TRPV4: variants seen among roughly 807,000 people sequenced by gnomAD.
The protein encoded by TRPV4 is OSM9-like transient receptor potential channel 4.
Under a neutral mutation model 84.1 loss-of-function variants are expected in TRPV4, and 58 were observed. That is an observed-to-expected ratio of 0.69 (90% CI 0.56 to 0.86). The LOEUF (loss-of-function observed/expected upper bound fraction) is 0.86, where lower values mean the gene tolerates loss of function less well. TRPV4 is among the 40% of genes least tolerant of loss of function. TRPV4 has a pLI of 0.00. For synonymous variants in TRPV4, 489 were observed against 500.9 expected, an observed-to-expected ratio of 0.98 and a Z score of 0.32; for missense variants, 879 against 1,181.1, an observed-to-expected ratio of 0.74 and a Z score of 3.75.
In TRPV4 at chr12:109,810,458, G is replaced by C. The variant is rs367869562; in HGVS notation, c.387-1990C>G. ...CAGGTTGTGGAAGCAGGTGGGACGG[G>C]GTTGCAAGGGTGGACAAAGCTGGCA... On this transcript the variant is annotated intron_variant, in intron 2 of 15. Transcript: ENST00000261740. 2.4e-4 allele frequency among the ~76,000 whole-genome samples: 36 copies of C among 152,274 alleles called. No homozygotes were observed. The East Asian group carries it at 5.8e-3, about 25-fold the overall frequency.
chr12:109,800,917 A>T lies in TRPV4; in HGVS notation c.713-159T>A, dbSNP rs554395210. ...CCAAGGGCAGCAAATAGGTCCTTGG[A>T]TATTCCCTGGGATCCATCGCAGAAG... is the stretch of plus-strand genomic sequence containing the variant. On this transcript the variant is annotated intron_variant, in intron 4 of 15. Coordinates refer to ENST00000261740, the MANE Select transcript of TRPV4 (RefSeq NM_021625.5). Among the ~76,000 whole-genome samples the T allele has an allele frequency of 8.5e-5, 13 of 152,370 alleles. No homozygotes were observed. In the East Asian group the frequency reaches 2.5e-3, roughly 29 times the overall value.
intron 1 of TRPV4, among the ~76,000 whole-genome samples, chr12:109,830,888 G>A (rs2136730398): frequency 6.6e-6 from 1 of 152,310 alleles, no homozygotes. Context: ...AGGCACATGA[G>A]GCTCAGTCTT....
chr12:109,806,192 T>C (rs951403196), intron 3 of TRPV4, among the ~76,000 whole-genome samples: 2 of 151,928 alleles, frequency 1.3e-5, no homozygotes, highest in African/African-American at 2.4e-5. Context: ...AATCCAGCAA[T>C]TGTATTTTCT....
intron 1 of TRPV4, among the ~76,000 whole-genome samples, chr12:109,820,516 ATTTT>A (rs1166251387): frequency 2.2e-5 from 2 of 92,386 alleles, no homozygotes; most frequent in African/African-American, 5.0e-5. Flanking sequence ...CAGCTGCCCT[ATTTT>A]TTTTTTTTTT....
intron 1 of TRPV4, among the ~76,000 whole-genome samples, chr12:109,823,109 A>T (rs1026533248): frequency 3.9e-5 from 6 of 152,312 alleles, no homozygotes; most frequent in Admixed American, 2.6e-4. Context: ...ACTGCCTGCC[A>T]GGCTACCCCA....
rs764970185 is a variant in TRPV4 at position 109,814,739 on chromosome 12, C to T, written c.58G>A (p.Gly20Arg). 2.8e-5 allele frequency: 45 copies of T among 1,588,496 alleles called. No individual in the cohort carries two copies. Among genetic ancestry groups the T allele is most frequent in the East Asian group, 4.6e-5 (2 of 43,472 alleles). ...CCACCTGGGGTGCCACTCTCATCCC[C>T]GGGGAGCTCAGCCACCTCCCCGGGC... Reference protein sequence around the residue: ...AGPGEVAELPGDESGTPGGEA... With the variant: ...AGPGEVAELPRDESGTPGGEA... The change falls in exon 2 of 16, where the codon GGG (glycine) becomes AGG (arginine). Residue 20 changes from glycine to arginine, a missense_variant. Physicochemically the swap from Gly to Arg is moderately radical, Grantham distance 125 (BLOSUM62 -2). This residue lies in a region of TRPV4 where 107 missense variants were observed against 99.4 expected (regional missense o/e 1.08). Transcript: ENST00000261740. The surrounding 1 kb of genome is among the most constrained non-coding windows in gnomAD (Gnocchi z 5.4).
In TRPV4 at chr12:109,786,337, C is replaced by T. The variant is rs1400573332; in HGVS notation, c.2336+373G>A. ...AGCTCACCCCACTGTTTGGTAGATACAGGGTGATGCTCTAAAATGAACCCA... is the reference window on the plus strand; with the variant it reads ...AGCTCACCCCACTGTTTGGTAGATATAGGGTGATGCTCTAAAATGAACCCA... On this transcript the variant is annotated intron_variant, in intron 14 of 15. Coordinates refer to ENST00000261740, the MANE Select transcript of TRPV4 (RefSeq NM_021625.5). This position sits in a 1 kb window ranked among gnomAD's most constrained non-coding sequence, Gnocchi z 4.5. Among the ~76,000 whole-genome samples, 1 of 152,176 alleles carries T rather than the reference C, an allele frequency of 6.6e-6. No individual in the cohort carries two copies. Among genetic ancestry groups the T allele is most frequent in the Non-Finnish European group, 1.5e-5 (1 of 68,024 alleles).
At chr12:109,831,720 T>C (rs900470868) in intron 1 of TRPV4, among the ~76,000 whole-genome samples, 1 of 152,244 alleles carries the variant, frequency 6.6e-6, no homozygotes, top group Non-Finnish European at 1.5e-5. Context: ...CCGGAGCTCA[T>C]GTGAAACATC....
In TRPV4 at chr12:109,803,173, G is replaced by A. The variant is rs183056596; in HGVS notation, c.560-30C>T. On this transcript the variant is annotated intron_variant, in intron 3 of 15. Transcript: ENST00000261740. ...CAAGAGAGACACACAAGATGACGCA[G>A]TGCTCCAGCCCATGACCTTGAACTT... The A allele has an allele frequency of 6.9e-5, 112 of 1,612,564 alleles. No homozygotes were observed. In the East Asian group the frequency reaches 2.5e-3, roughly 36 times the overall value.
chr12:109,823,288 GC>G (rs1384024689), intron 1 of TRPV4, among the ~76,000 whole-genome samples: 1 of 152,208 alleles, frequency 6.6e-6, no homozygotes, highest in Non-Finnish European at 1.5e-5. Flanking sequence ...GTCCTGCTGG[GC>G]CCCCACCCCA....
At position 109,808,452 on chromosome 12, in the gene TRPV4, G is replaced by C. The variant is rs754155333; in HGVS notation, c.403C>G (p.Pro135Ala). The change falls in exon 3 of 16, where the codon CCC becomes GCC. Residue 135 changes from proline (P) to alanine (A), a missense_variant. Pro to Ala is a conservative substitution (Grantham distance 27). Coordinates refer to ENST00000261740, the MANE Select transcript of TRPV4 (RefSeq NM_021625.5). ...KKIIEKQPQS[P>A]KAPAPQPPPI... is the part of the protein sequence containing the mutation. ...GGCGGCTGAGGGGCAGGGGCTTTGG[G>C]GCTCTGCGGCTGCTTCCTGGAGGAG... is the stretch of plus-strand genomic sequence containing the variant. 2 of 1,613,080 alleles carry C rather than the reference G, an allele frequency of 1.2e-6. No individual in the cohort carries two copies. The highest frequency in any genetic ancestry group is 1.7e-6 in the Non-Finnish European group (2 of 1,179,206).
chr12:109,826,996 AGCAGCTGCTCAAGAT>A (rs137924448), intron 1 of TRPV4, among the ~76,000 whole-genome samples: 3,742 of 152,242 alleles, frequency 0.025, 179 homozygotes, highest in African/African-American at 0.086. Flanking sequence ...CCTGGCACAT[AGCAGCTGCTCAAGAT>A]GTATTTGCTG....
chr12:109,813,298 G>A (rs918840076), intron 2 of TRPV4, among the ~76,000 whole-genome samples: 3 of 151,992 alleles, frequency 2.0e-5, no homozygotes, highest in African/African-American at 2.4e-5. Flanking sequence ...CTGTAATCCC[G>A]CTACTCGGGA....
At position 109,793,484 on chromosome 12, in the gene TRPV4, C is replaced by G; in HGVS notation, c.1658+43G>C. ...TGGACGACCTAGCAGCCCAAACCCA[C>G]CTTCCTCACCCAGAAGCTGCCGGCC... On this transcript the variant is annotated intron_variant, in intron 10 of 15. Transcript: ENST00000261740. The surrounding 1 kb of genome is among the most constrained non-coding windows in gnomAD (Gnocchi z 4.0). The G allele has an allele frequency of 6.4e-7, 1 of 1,564,842 alleles. No homozygotes were observed. Among genetic ancestry groups the G allele is most frequent in the Non-Finnish European group, 8.8e-7 (1 of 1,135,632 alleles).
intron 1 of TRPV4, among the ~76,000 whole-genome samples, chr12:109,829,002 T>C (rs1172214645): frequency 6.6e-6 from 1 of 152,114 alleles, no homozygotes; most frequent in East Asian, 1.9e-4. Context: ...CTGGGCAACA[T>C]AGTGAGACCC....
At chr12:109,820,449 C>T (rs1176623427) in intron 1 of TRPV4, among the ~76,000 whole-genome samples, 1 of 151,050 alleles carries the variant, frequency 6.6e-6, no homozygotes, top group East Asian at 2.0e-4. Context: ...AGACCCACAG[C>T]TCACTTGCTG....
At chr12:109,822,687 G>A (rs1892140228) in intron 1 of TRPV4, among the ~76,000 whole-genome samples, 1 of 152,150 alleles carries the variant, frequency 6.6e-6, no homozygotes, top group East Asian at 1.9e-4. Context: ...GGGATGGGTC[G>A]CAGTCCCTGA....
intron 1 of TRPV4, among the ~76,000 whole-genome samples, chr12:109,819,855 C>T (rs1160084203): frequency 6.6e-6 from 1 of 152,220 alleles, no homozygotes; most frequent in Admixed American, 6.5e-5. Flanking sequence ...AGCCACTGCG[C>T]CCAGCCAAAG....
chr12:109,821,155 C>T (rs1315085950), intron 1 of TRPV4, among the ~76,000 whole-genome samples: 3 of 152,252 alleles, frequency 2.0e-5, no homozygotes, highest in African/African-American at 7.2e-5. Flanking sequence ...GGCATGCAAA[C>T]CTGCTCCGCC....
Sources: allele counts gnomAD v4.1 joint callset (sites outside exome capture counted in the v4.1 genomes callset), GRCh38; gene constraint gnomAD v4.1.1; regional missense constraint gnomAD v4.1.1; non-coding constraint Gnocchi (gnomAD v3.1); transcripts MANE v1.5; gene names NCBI Gene and HGNC (gene_info 2026-07-23, HGNC 2026-07-21).